Variants in ROS1 observed in about 807,000 individuals in gnomAD.
ROS1 encodes the protein ROS proto-oncogene 1, receptor tyrosine kinase, also known as proto-oncogene tyrosine-protein kinase ROS.
In ROS1, 263 loss-of-function variants were observed where a neutral mutation model predicts 273.5. The ratio of observed to expected loss-of-function variants is 0.96; its 90% CI spans 0.87 to 1.06. ROS1 has a LOEUF of 1.06. Ranked by LOEUF, ROS1 falls within the 50% of genes least tolerant of loss-of-function variation. ROS1 has a pLI of 0.00. For synonymous variants in ROS1, 1,008 were observed against 954.1 expected, an observed-to-expected ratio of 1.06 and a Z score of -1.04; for missense variants, 2,833 against 2,751.1, an observed-to-expected ratio of 1.03 and a Z score of -0.67.
chr6:117,403,051 T>C (rs1774081766), intron 7 of ROS1, 88 bp downstream of exon 7: 1 of 1,440,770 alleles, frequency 6.9e-7, no homozygotes, highest in South Asian at 1.2e-5. Context: ...TAGGAAGGAA[T>C]AGATTTATTT....
chr6:117,375,382 A>G (rs191157181), intron 18 of ROS1, among the ~76,000 whole-genome samples: 98 of 151,936 alleles, frequency 6.5e-4, no homozygotes, highest in African/African-American at 2.2e-3. Flanking sequence ...TTCAGAATTC[A>G]CCACTAAAGA....
Position 117,389,368 on chromosome 6 carries a change from C to A in ROS1, c.1768G>T (p.Ala590Ser), listed in dbSNP as rs773651108. The A allele has an allele frequency of 6.2e-6, 10 of 1,613,626 alleles. No individual in the cohort carries two copies. Among genetic ancestry groups the A allele is most frequent in the Middle Eastern group, 1.7e-4 (1 of 6,058 alleles). The change falls in exon 13 of 44, where the codon GCC (alanine) becomes TCC (serine). Residue 590 changes from alanine to serine, a missense_variant. By Grantham distance (99) the Ala-to-Ser change is moderately conservative. Coordinates refer to ENST00000368507, the MANE Select transcript of ROS1 (RefSeq NM_001378902.1). Reference sequence around the variant, plus strand: ...CACTCACTGGCTCCTATGGCAAGGGCAGGAGGCTTCCATTGAACAAGAGCC... The same window carrying A: ...CACTCACTGGCTCCTATGGCAAGGGAAGGAGGCTTCCATTGAACAAGAGCC... ...HQALVQWKPP[A>S]LAIGASPSAW...
intron 2 of ROS1, among the ~76,000 whole-genome samples, 166 bp downstream of exon 2, chr6:117,418,296 C>A (rs1775485486): frequency 6.6e-6 from 1 of 152,206 alleles, no homozygotes; most frequent in Non-Finnish European, 1.5e-5. Context: ...CAACACACTT[C>A]ATTTTTATAT....
chr6:117,375,684 C>T (rs1781275517), intron 18 of ROS1, among the ~76,000 whole-genome samples: 1 of 151,964 alleles, frequency 6.6e-6, no homozygotes, highest in Non-Finnish European at 1.5e-5. Flanking sequence ...CAAAAGAAAG[C>T]TGATGTGGCC....
At chr6:117,297,289 C>T (rs1481149455) in intron 43 of ROS1, among the ~76,000 whole-genome samples, 1 of 152,124 alleles carries the variant, frequency 6.6e-6, no homozygotes, top group Non-Finnish European at 1.5e-5. Context: ...AAGGAAAACT[C>T]TTCTGGATAT....
intron 1 of ROS1, among the ~76,000 whole-genome samples, chr6:117,419,162 C>G (rs752388604): frequency 1.8e-4 from 27 of 152,304 alleles, no homozygotes; most frequent in Non-Finnish European, 1.2e-4. Context: ...CATTCTATCA[C>G]TGAGCTCACT....
At chr6:117,373,679 C>T (rs1002399423) in intron 18 of ROS1, among the ~76,000 whole-genome samples, 7 of 152,332 alleles carry the variant, frequency 4.6e-5, no homozygotes, top group African/African-American at 9.6e-5. Context: ...TCCACACCTC[C>T]GCACAAGCAG....
chr6:117,400,806 T>G (rs1290627745), intron 7 of ROS1, among the ~76,000 whole-genome samples: 4 of 152,176 alleles, frequency 2.6e-5, no homozygotes. Context: ...TTCAGCATAT[T>G]GCCTCCAGGC....
intron 32 of ROS1, among the ~76,000 whole-genome samples, chr6:117,329,770 C>T (rs1160956556): frequency 6.6e-6 from 1 of 151,958 alleles, no homozygotes; most frequent in Admixed American, 6.6e-5. Flanking sequence ...CCCCTCCAGC[C>T]AAGGGGAGCG....
chr6:117,425,640 C>T lies in ROS1; in HGVS notation c.17G>A (p.Cys6Tyr), dbSNP rs754955040. Residue 6 changes from cysteine (C) to tyrosine (Y), a missense_variant, in exon 1 of 44, where the codon TGT becomes TAT. By Grantham distance (194) the Cys-to-Tyr change is radical. Coordinates refer to ENST00000368507, the MANE Select transcript of ROS1 (RefSeq NM_001378902.1). MKNIY[C>Y]LIPKLVNFAT... ...AAAATTGACAAGCTTCGGAATAAGA[C>T]AGTAAATGTTCTTCATCACTTCACC... 2 of 1,611,502 alleles carry T rather than the reference C, an allele frequency of 1.2e-6. No individual in the cohort carries two copies. The highest frequency in any genetic ancestry group is 1.1e-5 in the South Asian group (1 of 90,274).
intron 23 of ROS1, 25 bp downstream of exon 23, chr6:117,360,317 T>A: frequency 6.5e-7 from 1 of 1,546,364 alleles, no homozygotes. Context: ...AATTATTATT[T>A]GCACAGATTT....
chr6:117,378,039 A>C (rs1276111803), intron 18 of ROS1, among the ~76,000 whole-genome samples: 1 of 152,216 alleles, frequency 6.6e-6, no homozygotes. Flanking sequence ...AACTGTTGAG[A>C]GGATATGGAA....
chr6:117,345,316 G>A (rs1295878436), intron 27 of ROS1, among the ~76,000 whole-genome samples: 1 of 152,142 alleles, frequency 6.6e-6, no homozygotes, highest in Non-Finnish European at 1.5e-5. Flanking sequence ...TTTTTCCTGG[G>A]AAGCCCTTTC....
chr6:117,383,593 G>T, intron 16 of ROS1, 85 bp from the exon 17 acceptor site: 1 of 1,038,244 alleles, frequency 9.6e-7, no homozygotes, highest in Non-Finnish European at 1.5e-6. Context: ...TTAATAAATT[G>T]CTTGATTAAT....
intron 29 of ROS1, among the ~76,000 whole-genome samples, 157 bp from the exon 30 acceptor site, chr6:117,341,789 A>G (rs904745612): frequency 6.6e-6 from 1 of 152,212 alleles, no homozygotes; most frequent in African/African-American, 2.4e-5. Context: ...ATCGTAGGTT[A>G]ACAGACTGCC....
chr6:117,371,337 A>G (rs1482106252), intron 18 of ROS1, among the ~76,000 whole-genome samples: 2 of 152,150 alleles, frequency 1.3e-5, no homozygotes, highest in African/African-American at 2.4e-5. Context: ...TCATGGGAGA[A>G]GGATTTGACC....
intron 1 of ROS1, among the ~76,000 whole-genome samples, chr6:117,425,161 G>T (rs1776045443): frequency 1.3e-5 from 2 of 152,152 alleles, no homozygotes; most frequent in African/African-American, 4.8e-5. Context: ...GAATTAGCAG[G>T]CATTATCCTG....
chr6:117,419,208 A>G (rs796903930), intron 1 of ROS1, among the ~76,000 whole-genome samples: 3 of 152,228 alleles, frequency 2.0e-5, no homozygotes, highest in African/African-American at 7.2e-5. Context: ...TTGGCTCTTC[A>G]CTCCATCCTC....
At chr6:117,303,668 C>A (rs1351776019) in intron 42 of ROS1, among the ~76,000 whole-genome samples, 9 of 152,100 alleles carry the variant, frequency 5.9e-5, no homozygotes, top group Non-Finnish European at 1.2e-4. Context: ...CAAGGGGAAG[C>A]TTTTCAAGAT....
Sources: allele counts gnomAD v4.1 joint callset (sites outside exome capture counted in the v4.1 genomes callset), GRCh38; gene constraint gnomAD v4.1.1; transcripts MANE v1.5; gene names NCBI Gene and HGNC (gene_info 2026-07-23, HGNC 2026-07-21).